RASA3: variants seen among roughly 807,000 people sequenced by gnomAD.
The protein encoded by RASA3 is ras GTPase-activating protein 3.
A neutral mutation model predicts 110.0 loss-of-function variants in RASA3; 73 were observed. The observed-to-expected ratio is 0.66, with a 90% confidence interval of 0.55 to 0.81. RASA3 has a LOEUF of 0.81. Ranked by LOEUF, RASA3 falls within the 30% of genes least tolerant of loss-of-function variation. The pLI, the probability that RASA3 is intolerant of heterozygous loss-of-function variation, is 0.00. For synonymous variants in RASA3, 500 were observed against 451.4 expected, an observed-to-expected ratio of 1.11 and a Z score of -1.37; for missense variants, 976 against 1,113.2, an observed-to-expected ratio of 0.88 and a Z score of 1.75.
At chr13:114,001,564 C>T (rs116338429) in intron 18 of RASA3, among the ~76,000 whole-genome samples, 11,204 of 129,378 alleles carry the variant, frequency 0.087, no homozygotes, top group Middle Eastern at 0.15. Flanking sequence ...AGGGTCAGGG[C>T]GGACAGTGGA....
At chr13:114,081,568 T>C (rs2079788856) in intron 1 of RASA3, among the ~76,000 whole-genome samples, 1 of 152,140 alleles carries the variant, frequency 6.6e-6, no homozygotes, top group Non-Finnish European at 1.5e-5. Flanking sequence ...GAAACACGAC[T>C]CCAAACCCTG....
intron 4 of RASA3, among the ~76,000 whole-genome samples, chr13:114,030,615 T>C (rs990179142): frequency 6.6e-6 from 1 of 152,222 alleles, no homozygotes; most frequent in African/African-American, 2.4e-5. Context: ...CGGGTCCACC[T>C]GTCTCTCTAG....
intron 2 of RASA3, among the ~76,000 whole-genome samples, chr13:114,067,138 C>A (rs964200526): frequency 2.8e-5 from 4 of 144,618 alleles, no homozygotes; most frequent in African/African-American, 1.0e-4. Context: ...ACGGGCCCCC[C>A]ACCTGGGGCA....
intron 7 of RASA3, among the ~76,000 whole-genome samples, chr13:114,026,304 G>T (rs2054024654): frequency 6.6e-6 from 1 of 152,172 alleles, no homozygotes; most frequent in African/African-American, 2.4e-5. Context: ...GGTCCATGCT[G>T]CATGCCTCCT....
chr13:114,126,744 C>T (rs12100141), intron 1 of RASA3, among the ~76,000 whole-genome samples: 38,141 of 152,112 alleles, frequency 0.25, 5,537 homozygotes, highest in East Asian at 0.36. Context: ...AAGATCTGAG[C>T]GGGGGAAGTG....
intron 1 of RASA3, among the ~76,000 whole-genome samples, chr13:114,121,458 C>A (rs906547427): frequency 6.6e-6 from 1 of 152,238 alleles, no homozygotes; most frequent in African/African-American, 2.4e-5. Flanking sequence ...CAGAAGCCCA[C>A]CGGAGCCTCC....
chr13:114,123,056 G>A (rs1286747622), intron 1 of RASA3, among the ~76,000 whole-genome samples: 1 of 152,216 alleles, frequency 6.6e-6, no homozygotes. Flanking sequence ...CACACCTTCG[G>A]TGCGTGCCCG....
Position 114,051,749 on chromosome 13 carries a change from G to A in RASA3, c.277+303C>T, listed in dbSNP as rs545091132. Among the ~76,000 whole-genome samples the A allele has an allele frequency of 1.5e-4, 22 of 150,932 alleles. No homozygotes were observed. In the East Asian group the frequency reaches 2.0e-3, roughly 14 times the overall value. Reference sequence around the variant, plus strand: ...GCAAAGGTCCCCCCACAGATGCCCCGGGGAACAGCCCTGGGAAGTTGTCTG... The same window carrying A: ...GCAAAGGTCCCCCCACAGATGCCCCAGGGAACAGCCCTGGGAAGTTGTCTG... On this transcript the variant is annotated intron_variant, in intron 3 of 23. Transcript: ENST00000334062.
At chr13:114,047,448 T>C (rs2079071292) in intron 3 of RASA3, among the ~76,000 whole-genome samples, 1 of 152,200 alleles carries the variant, frequency 6.6e-6, no homozygotes, top group South Asian at 2.1e-4. Flanking sequence ...CACCCGCTGC[T>C]GGAGAGAAGG....
intron 1 of RASA3, among the ~76,000 whole-genome samples, chr13:114,098,163 A>C (rs1341281454): frequency 6.6e-6 from 1 of 152,126 alleles, no homozygotes; most frequent in Non-Finnish European, 1.5e-5. Flanking sequence ...CTGGCTAAAG[A>C]CACAGCACAC....
intron 21 of RASA3, among the ~76,000 whole-genome samples, chr13:113,993,935 G>A (rs1161307415): frequency 6.6e-6 from 1 of 152,156 alleles, no homozygotes; most frequent in Non-Finnish European, 1.5e-5. Context: ...GCAACCAACA[G>A]GGAGGGCCTG....
rs1364109254 is a variant in RASA3 at position 114,056,152 on chromosome 13, G to A, written c.174-3997C>T. Among the ~76,000 whole-genome samples the A allele has an allele frequency of 7.2e-5, 11 of 152,202 alleles. No individual in the cohort carries two copies. Among genetic ancestry groups the A allele is most frequent in the Admixed American group, 7.2e-4 (11 of 15,284 alleles). On this transcript the variant is annotated intron_variant, in intron 2 of 23. Coordinates refer to ENST00000334062, the MANE Select transcript of RASA3 (RefSeq NM_007368.4). The surrounding 1 kb of genome is among the most constrained non-coding windows in gnomAD (Gnocchi z 5.7). The stretch of plus-strand genomic sequence containing the variant: ...GGGCCTGTGCCTGCCTGGCAGGAAG[G>A]CAGGGAGGAGGAAGTGGGTCGGGCT...
At chr13:114,002,622 A>T (rs976578795) in intron 18 of RASA3, among the ~76,000 whole-genome samples, 1 of 152,214 alleles carries the variant, frequency 6.6e-6, no homozygotes, top group Non-Finnish European at 1.5e-5. Flanking sequence ...TTTCGGCTTT[A>T]GGATTTTTTT....
intron 1 of RASA3, among the ~76,000 whole-genome samples, chr13:114,105,113 C>G (rs986530871): frequency 6.6e-6 from 1 of 152,120 alleles, no homozygotes; most frequent in Non-Finnish European, 1.5e-5. Flanking sequence ...GGAGAGCACG[C>G]CTGGCCCCCA....
At chr13:114,069,316 G>T (rs1312702760) in intron 2 of RASA3, among the ~76,000 whole-genome samples, 1 of 151,752 alleles carries the variant, frequency 6.6e-6, no homozygotes, top group Non-Finnish European at 1.5e-5. Flanking sequence ...GCACCCTGGG[G>T]CCCTTCTGAG....
chr13:114,081,616 TAATAA>T (rs1436020601), intron 1 of RASA3, among the ~76,000 whole-genome samples: 1 of 152,048 alleles, frequency 6.6e-6, no homozygotes, highest in Non-Finnish European at 1.5e-5. Flanking sequence ...TATAAACAGG[TAATAA>T]AATATGGGAA....
chr13:114,102,730 C>G (rs1314991214), intron 1 of RASA3, among the ~76,000 whole-genome samples: 4 of 152,306 alleles, frequency 2.6e-5, no homozygotes, highest in South Asian at 4.1e-4. Flanking sequence ...TCACCTACCC[C>G]CAGGGCGACG....
chr13:114,023,697 C>T (rs1472968348), intron 8 of RASA3, among the ~76,000 whole-genome samples: 2 of 152,212 alleles, frequency 1.3e-5, no homozygotes, highest in Non-Finnish European at 2.9e-5. Flanking sequence ...AAGCGATTTC[C>T]CCGTTTCCCG....
intron 22 of RASA3, among the ~76,000 whole-genome samples, chr13:113,988,596 C>T (rs1480181721): frequency 1.8e-5 from 1 of 56,686 alleles, no homozygotes; most frequent in Non-Finnish European, 3.1e-5. Flanking sequence ...ATCACTCATC[C>T]ATCTGTCTAT....
Sources: gnomAD v4.1 joint callset for allele counts (sites outside exome capture counted in the v4.1 genomes callset) on GRCh38, gnomAD v4.1.1 for gene constraint, Gnocchi (gnomAD v3.1) non-coding constraint, MANE v1.5 for transcripts, NCBI Gene and HGNC (gene_info 2026-07-23, HGNC 2026-07-21) for gene names.